The following CLUH variants were observed in gnomAD, a reference collection of about 807,000 sequenced individuals.
CLUH encodes the protein CLUH binding protein of NUMT mRNA, also known as clustered mitochondria protein homolog.
Under a neutral mutation model 139.3 loss-of-function variants are expected in CLUH, and 77 were observed. The observed-to-expected ratio is 0.55, with a 90% CI of 0.46 to 0.67. The LOEUF is 0.67. CLUH is among the 30% of genes least tolerant of loss of function. The pLI is 0.00. For synonymous variants in CLUH, 999 were observed against 801.6 expected, an observed-to-expected ratio of 1.25 and a Z score of -4.16; for missense variants, 1,876 against 1,875.8, an observed-to-expected ratio of 1.00 and a Z score of 0.00.
Position 2,698,584 on chromosome 17 carries a change from T to C in CLUH, c.1273A>G (p.Ser425Gly). The change falls in exon 10 of 26, where the codon AGC becomes GGC. Residue 425 changes from serine to glycine, a missense_variant. Coordinates refer to ENST00000651024, the MANE Select transcript of CLUH (RefSeq NM_001366661.1). ...LRERAIFKVHSDFTAAATRGA... is the reference protein window; with the variant it reads ...LRERAIFKVHGDFTAAATRGA... The stretch of plus-strand genomic sequence containing the variant: ...CTGGTGGCTGCCGCGGTGAAGTCGC[T>C]GTGCACCTGGCGGGGGTCGAGGAGG... 1 of 1,600,586 alleles carries C rather than the reference T, an allele frequency of 6.2e-7. No homozygotes were observed. The highest frequency in any genetic ancestry group is 8.5e-7 in the Non-Finnish European group (1 of 1,173,010).
rs1399822031 is a variant in CLUH, at chr17:2,704,550, T to G, written c.115A>C (p.Met39Leu). 1 of 1,565,714 alleles carries G rather than the reference T, an allele frequency of 6.4e-7. No individual in the cohort carries two copies. ...RPGAAELPSV[M>L]LLNGDCPESL... ...TCTGGGCAGTCCCCGTTTAAGAGCA[T>G]GACTGATGGCAGCTCTGCGGGTGAC... The change falls in exon 2 of 26, where the codon ATG becomes CTG. Residue 39 changes from methionine to leucine, a missense_variant. Met to Leu is a conservative substitution (Grantham distance 15). Coordinates refer to ENST00000651024, the MANE Select transcript of CLUH (RefSeq NM_001366661.1). The surrounding 1 kb of genome is among the most constrained non-coding windows in gnomAD (Gnocchi z 5.7).
In CLUH at chr17:2,700,377, G is replaced by A. The variant is rs758415900; in HGVS notation, c.1266+5C>T. ...AGACTGCCGGTCAGCAGAGGCTGCA[G>A]GCACCTTGAATATGGCCCTTTCTCG... On this transcript the variant is annotated splice_donor_5th_base_variant and intron_variant, in intron 9 of 25. Coordinates refer to ENST00000651024, the MANE Select transcript of CLUH (RefSeq NM_001366661.1). 111 of 1,611,746 alleles carry A rather than the reference G, an allele frequency of 6.9e-5. No individual in the cohort carries two copies. Among genetic ancestry groups the A allele is most frequent in the Middle Eastern group, 5.0e-4 (3 of 6,034 alleles).
chr17:2,697,952 G>C lies in CLUH; in HGVS notation c.1905C>G (p.His635Gln). ...ECARAGFPRA[H>Q]RHKLCCLRQE... ...GGCGCAGGCAGCAGAGCTTGTGCCG[G>C]TGGGCGCGGGGGAAGCCGGCGCGGG... Residue 635 changes from histidine (H) to glutamine (Q), a missense_variant, in exon 10 of 26, where the codon CAC becomes CAG. Physicochemically the swap from His to Gln is conservative, Grantham distance 24 (BLOSUM62 0). Transcript: ENST00000651024. The C allele has an allele frequency of 6.4e-7, 1 of 1,561,562 alleles. No homozygotes were observed. Among genetic ancestry groups the C allele is most frequent in the Non-Finnish European group, 8.6e-7 (1 of 1,158,640 alleles).
Position 2,701,683 on chromosome 17 carries a change from G to A in CLUH, c.674C>T (p.Pro225Leu), listed in dbSNP as rs1478728234. 6.3e-7 allele frequency: 1 copy of A among 1,597,190 alleles called. No individual in the cohort carries two copies. The highest frequency in any genetic ancestry group is 1.1e-5 in the South Asian group (1 of 88,162). The change falls in exon 5 of 26, where the codon CCC becomes CTC. Residue 225 changes from proline to leucine, a missense_variant. By Grantham distance (98) the Pro-to-Leu change is moderately conservative (BLOSUM62 -3). Transcript: ENST00000651024. ...CCGGCTCCCTGGCAGGATGTACTCG[G>A]GTGGTGTGCAGTCGATGGGGTCCAT... ...LEMDPIDCTP[P>L]EYILPGSRER...
chr17:2,691,503 G>A (rs1301669179), intron 25 of CLUH, 106 bp downstream of exon 25: 8 of 1,160,098 alleles, frequency 6.9e-6, no homozygotes, highest in East Asian at 5.2e-5. Context: ...GGAGGCTGCA[G>A]TGAGCCGGGA....
At chr17:2,705,331 G>A (rs971128632) in intron 1 of CLUH, among the ~76,000 whole-genome samples, 1 of 151,898 alleles carries the variant, frequency 6.6e-6, no homozygotes, top group African/African-American at 2.4e-5. Context: ...AGTGCCACCT[G>A]CAACCCTCCT....
At chr17:2,695,197 C>G (rs756934952) in intron 15 of CLUH, 21 bp downstream of exon 15, 45 of 1,613,714 alleles carry the variant, frequency 2.8e-5, no homozygotes, top group Non-Finnish European at 1.7e-6. Flanking sequence ...CATGGCCAGC[C>G]GCAGAGCGGA....
At position 2,701,596 on chromosome 17, in the gene CLUH, C is replaced by T. The variant is rs1021305836; in HGVS notation, c.744+17G>A. On this transcript the variant is annotated intron_variant, in intron 5 of 25. Transcript: ENST00000651024. ...ACCCCGCCAGGGACCCTCTTCCTCC[C>T]TCCCCCAGGATCCTACCTTCCAGTC... 27 of 1,610,406 alleles carry T rather than the reference C, an allele frequency of 1.7e-5. No individual in the cohort carries two copies. The Admixed American group carries it at 2.7e-4, about 16-fold the overall frequency.
At chr17:2,694,746 T>A in intron 16 of CLUH, 111 bp downstream of exon 16, 2 of 1,411,168 alleles carry the variant, frequency 1.4e-6, no homozygotes, top group Non-Finnish European at 1.9e-6. Flanking sequence ...CTCCCTCTTC[T>A]CTCTGACTCC....
At position 2,704,409 on chromosome 17, in the gene CLUH, A is replaced by G; in HGVS notation, c.256T>C (p.Phe86Leu). The change falls in exon 2 of 26, where the codon TTT (phenylalanine) becomes CTT (leucine). Residue 86 changes from phenylalanine (F) to leucine (L), a missense_variant. Transcript: ENST00000651024. The surrounding 1 kb of genome is among the most constrained non-coding windows in gnomAD (Gnocchi z 5.7). ...QEVIVIQDTG[F>L]SVKILAPGIE... is the part of the protein sequence containing the mutation. ...CCAGGGGCGAGGATCTTCACAGAAA[A>G]GCCCGTGTCCTGAATGACAATGACT... 1.2e-6 allele frequency: 2 copies of G among 1,611,590 alleles called. No individual in the cohort carries two copies. The highest frequency in any genetic ancestry group is 1.7e-6 in the Non-Finnish European group (2 of 1,179,028).
Position 2,706,125 on chromosome 17 carries a change from G to T in CLUH, c.101-1561C>A, listed in dbSNP as rs912401598. Among the ~76,000 whole-genome samples the T allele has an allele frequency of 1.3e-5, 2 of 152,008 alleles. No homozygotes were observed. The highest frequency in any genetic ancestry group is 4.8e-5 in the African/African-American group (2 of 41,390). ...AGACCCCACCTCCCCTTCCCCACCC[G>T]GCTCTCAGGAGCGGGGACAGGTGCC... On this transcript the variant is annotated intron_variant, in intron 1 of 25. Transcript: ENST00000651024. The surrounding 1 kb of genome is among the most constrained non-coding windows in gnomAD (Gnocchi z 4.6).
Position 2,704,606 on chromosome 17 carries a change from G to T in CLUH, c.101-42C>A. The T allele has an allele frequency of 6.6e-7, 1 of 1,505,868 alleles. No homozygotes were observed. Among genetic ancestry groups the T allele is most frequent in the South Asian group, 1.2e-5 (1 of 80,762 alleles). 93.3% of individuals were successfully genotyped at this position (1,505,868 alleles called of 1,614,324 possible). On this transcript the variant is annotated intron_variant, in intron 1 of 25. Coordinates refer to ENST00000651024, the MANE Select transcript of CLUH (RefSeq NM_001366661.1). This position sits in a 1 kb window ranked among gnomAD's most constrained non-coding sequence, Gnocchi z 5.7. ...CGGGTCAGAATCAGGCAGCCTCGCT[G>T]GTCGGCGGGGCTGTCCGCCTGACCC...
At position 2,691,597 on chromosome 17, in the gene CLUH, C is replaced by T. The variant is rs767686612; in HGVS notation, c.3863+12G>A. The stretch of plus-strand genomic sequence containing the variant: ...CCAACCGGGAGACACTCGAGTGGGG[C>T]GGAGGCCTCACCTGAGAGGAATGAA... On this transcript the variant is annotated intron_variant, in intron 25 of 25. Coordinates refer to ENST00000651024, the MANE Select transcript of CLUH (RefSeq NM_001366661.1). The T allele has an allele frequency of 2.2e-5, 35 of 1,610,362 alleles. No homozygotes were observed. The East Asian group carries it at 2.5e-4, about 11-fold the overall frequency.
In CLUH at chr17:2,707,614, G is replaced by A. The variant is rs897889775; in HGVS notation, c.101-3050C>T. 2.0e-6 allele frequency: 2 copies of A among 985,284 alleles called. No homozygotes were observed. Among genetic ancestry groups the A allele is most frequent in the African/African-American group, 3.5e-5 (2 of 57,234 alleles). The allele number at this position is 985,284 out of a possible 1,614,324, so 61.0% of individuals were successfully genotyped here. The stretch of plus-strand genomic sequence containing the variant: ...GGACCCCTCAAGATTGAGGGCCTAG[G>A]AGACTGGCTGGCAGGGGCAGGGCCC... On this transcript the variant is annotated intron_variant, in intron 1 of 25. Coordinates refer to ENST00000651024, the MANE Select transcript of CLUH (RefSeq NM_001366661.1). The surrounding 1 kb of genome is among the most constrained non-coding windows in gnomAD (Gnocchi z 7.4).
intron 18 of CLUH, 29 bp downstream of exon 18, chr17:2,694,094 C>T: frequency 6.2e-7 from 1 of 1,613,912 alleles, no homozygotes; most frequent in Non-Finnish European, 8.5e-7. Flanking sequence ...GGAACCCCCA[C>T]CTCCACCCAG....
Position 2,690,350 on chromosome 17 carries a change from G to A in CLUH, c.*244C>T. 2.4e-6 allele frequency: 1 copy of A among 417,640 alleles called. No individual in the cohort carries two copies. The highest frequency in any genetic ancestry group is 4.4e-5 in the Admixed American group (1 of 22,680). The allele number at this position is 417,640 out of a possible 1,614,324, so 25.9% of individuals were successfully genotyped here. A position where few individuals can be genotyped will look rare whatever the true frequency, so the allele number is the denominator to read the frequency against. On this transcript the variant is annotated 3_prime_UTR_variant, in exon 26 of 26. Coordinates refer to ENST00000651024, the MANE Select transcript of CLUH (RefSeq NM_001366661.1). ...ACCTGCCCCCCAGCCGGGAACTGAT[G>A]GCCGCACACGCCATTCACGTGTCTC...
At chr17:2,699,342 C>T (rs2151709561) in intron 9 of CLUH, among the ~76,000 whole-genome samples, 1 of 152,220 alleles carries the variant, frequency 6.6e-6, no homozygotes, top group Non-Finnish European at 1.5e-5. Context: ...TGGTTGTTTT[C>T]AGACAGGGTA....
In CLUH at chr17:2,698,018, G is replaced by A. The variant is rs753117838; in HGVS notation, c.1839C>T (p.Asn613=). The A allele has an allele frequency of 3.1e-6, 5 of 1,603,596 alleles. No homozygotes were observed. The South Asian group carries it at 5.5e-5, about 18-fold the overall frequency. ...GCTCCTCGCCAGGCACGGGCAGGAA[G>A]TTGAGGTCCGGGGGGAAGGTGCGCA... ...DLLRTFPPDL[N]FLPVPGEELP... is the part of the protein sequence containing the mutation. The change falls in exon 10 of 26, where the codon AAC becomes AAT. Residue 613 remains asparagine (N), a synonymous_variant. Coordinates refer to ENST00000651024, the MANE Select transcript of CLUH (RefSeq NM_001366661.1).
At chr17:2,698,675 C>T (rs1462029968) in intron 9 of CLUH, 85 bp from the exon 10 acceptor site, 36 of 1,243,770 alleles carry the variant, frequency 2.9e-5, no homozygotes, top group East Asian at 2.3e-4. Context: ...ACCTAGACCG[C>T]GGAGGCAACC....
Sources: gnomAD v4.1 joint callset for allele counts (sites outside exome capture counted in the v4.1 genomes callset) on GRCh38, gnomAD v4.1.1 for gene constraint, Gnocchi (gnomAD v3.1) non-coding constraint, MANE v1.5 for transcripts, NCBI Gene and HGNC (gene_info 2026-07-23, HGNC 2026-07-21) for gene names.